PREX2: variants seen among roughly 807,000 people sequenced by gnomAD.
PREX2 encodes the protein phosphatidylinositol 3,4,5-trisphosphate-dependent Rac exchanger 2 protein.
PREX2 carries 107 observed loss-of-function variants against 203.2 expected under a neutral mutation model. That is an observed-to-expected ratio of 0.53 (90% CI 0.45 to 0.62). The LOEUF (loss-of-function observed/expected upper bound fraction) is 0.62, where lower values mean the gene tolerates loss of function less well. Among genes scored for constraint, PREX2 ranks in the 20% least tolerant of loss-of-function variants. PREX2 has a pLI of 0.00. For missense variants in PREX2, 1,777 were observed against 1,955.9 expected, an observed-to-expected ratio of 0.91 and a Z score of 1.72; for synonymous variants, 672 against 663.6, an observed-to-expected ratio of 1.01 and a Z score of -0.19.
At chr8:68,220,455 T>A (rs796522675) in intron 38 of PREX2, 3 of 152,298 alleles carry the variant, frequency 2.0e-5, no homozygotes, top group African/African-American at 7.2e-5. Flanking sequence ...TTCTCAACCT[T>A]TTTAATAAAA....
intron 32 of PREX2, among the ~76,000 whole-genome samples, chr8:68,135,368 C>G (rs550881692): frequency 6.6e-6 from 1 of 151,708 alleles, no homozygotes; most frequent in Non-Finnish European, 1.5e-5. Flanking sequence ...TATAAAGAAC[C>G]CTTAAAATTC....
intron 34 of PREX2, among the ~76,000 whole-genome samples, chr8:68,148,074 CTG>C (rs1811363250): frequency 6.6e-6 from 1 of 152,052 alleles, no homozygotes; most frequent in African/African-American, 2.4e-5. Context: ...TGGTGGAAAC[CTG>C]TGTCTACTAA....
chr8:68,085,640 C>A (rs567231120), intron 18 of PREX2, among the ~76,000 whole-genome samples: 1 of 152,196 alleles, frequency 6.6e-6, no homozygotes, highest in East Asian at 1.9e-4. Context: ...CTTGTATAAA[C>A]GTAATTCTTT....
intron 21 of PREX2, among the ~76,000 whole-genome samples, chr8:68,095,561 CTA>C (rs1460253605): frequency 6.9e-5 from 8 of 116,332 alleles, no homozygotes; most frequent in Admixed American, 1.7e-4. Flanking sequence ...GTGTGTGTAT[CTA>C]TGTGTGTGTG....
At chr8:68,042,542 T>C (rs934611349) in intron 7 of PREX2, among the ~76,000 whole-genome samples, 2 of 152,124 alleles carry the variant, frequency 1.3e-5, no homozygotes, top group African/African-American at 4.8e-5. Flanking sequence ...TGTATCACAA[T>C]TTAATTATTC....
At chr8:68,134,352 G>C in intron 32 of PREX2, 76 bp downstream of exon 32, 1 of 1,178,352 alleles carries the variant, frequency 8.5e-7, no homozygotes, top group South Asian at 1.3e-5. Context: ...ATAAGAAGTA[G>C]TTATTTCTTT....
intron 1 of PREX2, among the ~76,000 whole-genome samples, chr8:68,001,757 T>C (rs2129609752): frequency 6.6e-6 from 1 of 152,320 alleles, no homozygotes; most frequent in African/African-American, 2.4e-5. Flanking sequence ...CAGAATACTA[T>C]ACAGCCATAA....
intron 34 of PREX2, among the ~76,000 whole-genome samples, chr8:68,151,522 C>CGGTCATT (rs1233556159): frequency 6.6e-6 from 1 of 152,124 alleles, no homozygotes; most frequent in African/African-American, 2.4e-5. Flanking sequence ...ATGTTAAGCA[C>CGGTCATT]GGTCATTTCT....
chr8:68,216,130 C>G (rs1812833793), intron 37 of PREX2, among the ~76,000 whole-genome samples: 1 of 152,230 alleles, frequency 6.6e-6, no homozygotes, highest in Non-Finnish European at 1.5e-5. Flanking sequence ...CACAGTTGCA[C>G]TTTGTGAGGT....
Position 68,157,320 on chromosome 8 carries a change from A to G in PREX2, c.4232-2A>G. On this transcript the variant is annotated splice_acceptor_variant, in intron 34 of 39. Transcript: ENST00000288368. LOFTEE classifies it high-confidence loss of function. The stretch of plus-strand genomic sequence containing the variant: ...GTAAAATATGTTTACTTGTTTACAC[A>G]GCACTAGAGAGCATGGAAGGATATT... The G allele has an allele frequency of 6.6e-7, 1 of 1,522,526 alleles. No individual in the cohort carries two copies. The highest frequency in any genetic ancestry group is 9.1e-7 in the Non-Finnish European group (1 of 1,102,052). 94.3% of individuals were successfully genotyped at this position (1,522,526 alleles called of 1,614,324 possible). A position where few individuals can be genotyped will look rare whatever the true frequency, so the allele number is the denominator to read the frequency against.
At chr8:68,164,806 T>A (rs1342513579) in intron 35 of PREX2, among the ~76,000 whole-genome samples, 1 of 150,916 alleles carries the variant, frequency 6.6e-6, no homozygotes, top group African/African-American at 2.4e-5. Context: ...GGTCTCGAAC[T>A]CCCAACCTCA....
intron 1 of PREX2, among the ~76,000 whole-genome samples, chr8:68,009,554 T>G (rs1400742998): frequency 6.6e-6 from 1 of 152,220 alleles, no homozygotes; most frequent in Non-Finnish European, 1.5e-5. Flanking sequence ...GCTTCTGAAC[T>G]GCATTTAGAA....
chr8:68,185,688 C>A (rs1344201829), intron 35 of PREX2, among the ~76,000 whole-genome samples: 1 of 122,588 alleles, frequency 8.2e-6, no homozygotes, highest in Non-Finnish European at 1.8e-5. Flanking sequence ...TACATTTTAC[C>A]ACCTCTCTCA....
chr8:67,952,169 A>G lies in PREX2; in HGVS notation c.-226A>G, dbSNP rs1239206859. On this transcript the variant is annotated 5_prime_UTR_variant, in exon 1 of 40. Transcript: ENST00000288368. ...GGGCCTGGCCGGAGCCCCCACTCCC[A>G]GGAGTTTCCTCTGCAGAGCCCCGCG... 3 of 362,748 alleles carry G rather than the reference A, an allele frequency of 8.3e-6. No individual in the cohort carries two copies. Among genetic ancestry groups the G allele is most frequent in the Non-Finnish European group, 1.4e-5 (3 of 208,438 alleles). The allele number at this position is 362,748 out of a possible 1,614,324, so 22.5% of individuals were successfully genotyped here.
At chr8:68,224,728 C>G (rs181158741) in intron 39 of PREX2, 102 bp downstream of exon 39, 23 of 795,580 alleles carry the variant, frequency 2.9e-5, no homozygotes, top group African/African-American at 8.5e-5. Flanking sequence ...TGCCCCGTGT[C>G]GTACTGATTG....
chr8:68,045,375 T>C (rs1808321702), intron 8 of PREX2, among the ~76,000 whole-genome samples: 1 of 152,094 alleles, frequency 6.6e-6, no homozygotes, highest in South Asian at 2.1e-4. Flanking sequence ...TTTAGTGATA[T>C]TCGTTATACA....
Position 68,192,532 on chromosome 8 carries a change from G to T in PREX2, c.4604+7G>T, listed in dbSNP as rs1303832013. Reference sequence around the variant, plus strand: ...GCAGCAGCGGTGTGCATCGGTATGTGACCCTCCCGCCTTGCTTGCCTCTTT... The same window carrying T: ...GCAGCAGCGGTGTGCATCGGTATGTTACCCTCCCGCCTTGCTTGCCTCTTT... On this transcript the variant is annotated splice_region_variant and intron_variant, in intron 37 of 39. Coordinates refer to ENST00000288368, the MANE Select transcript of PREX2 (RefSeq NM_024870.4). 6 of 1,593,184 alleles carry T rather than the reference G, an allele frequency of 3.8e-6. No homozygotes were observed. Among genetic ancestry groups the T allele is most frequent in the African/African-American group, 1.3e-5 (1 of 74,410 alleles).
intron 18 of PREX2, among the ~76,000 whole-genome samples, chr8:68,087,422 G>T (rs7839006): frequency 0.017 from 2,556 of 152,268 alleles, 68 homozygotes; most frequent in African/African-American, 0.059. Context: ...AGCCACTTGG[G>T]AGGCTGAGAT....
At chr8:68,023,981 G>C (rs1807641832) in intron 4 of PREX2, among the ~76,000 whole-genome samples, 1 of 151,818 alleles carries the variant, frequency 6.6e-6, no homozygotes, top group African/African-American at 2.4e-5. Context: ...TATTGCACTG[G>C]CTAGAACCTT....
Sources: gnomAD v4.1 joint callset for allele counts (sites outside exome capture counted in the v4.1 genomes callset) on GRCh38, gnomAD v4.1.1 for gene constraint, MANE v1.5 for transcripts, NCBI Gene and HGNC (gene_info 2026-07-23, HGNC 2026-07-21) for gene names.